ZNF880: variants seen among roughly 807,000 people sequenced by gnomAD.
ZNF880 encodes the protein zinc finger protein 880, also known as zinc finger protein LOC400713.
In ZNF880, 12 loss-of-function variants were observed where a neutral mutation model predicts 11.8. The observed-to-expected ratio is 1.02, with a 90% confidence interval of 0.65 to 1.65. The LOEUF (loss-of-function observed/expected upper bound fraction) is 1.65. ZNF880 is among the 40% of genes most tolerant of loss of function. The pLI is 0.00. For missense variants in ZNF880, 601 were observed against 673.9 expected, an observed-to-expected ratio of 0.89 and a Z score of 1.20; for synonymous variants, 210 against 232.4, an observed-to-expected ratio of 0.90 and a Z score of 0.88.
chr19:52,394,583 T>G, the ZNF880 span, among the ~76,000 whole-genome samples: 2 of 151,818 alleles, frequency 1.3e-5, no homozygotes, highest in Non-Finnish European at 2.9e-5. Context: ...TTTGCTACCT[T>G]TACATTTTTC....
chr19:52,372,554 C>G (rs1986408407), intron 1 of ZNF880, among the ~76,000 whole-genome samples: 1 of 148,524 alleles, frequency 6.7e-6, no homozygotes, highest in Non-Finnish European at 1.5e-5. Context: ...TCCCAAAGTG[C>G]TGGGATTACA....
chr19:52,370,102 C>G, intron 1 of ZNF880, 125 bp downstream of exon 1: 1 of 1,276,322 alleles, frequency 7.8e-7, no homozygotes, highest in Non-Finnish European at 1.1e-6. Context: ...CGACTAAACT[C>G]AGACGTTCTA....
downstream of ZNF880, among the ~76,000 whole-genome samples, chr19:52,388,371 C>T (rs981587263): frequency 2.9e-5 from 4 of 137,908 alleles, no homozygotes. Context: ...CAACCTCTGC[C>T]TCCCGGGTTC....
At chr19:52,370,507 A>G (rs1986334440) in intron 1 of ZNF880, 1 of 154,360 alleles carries the variant, frequency 6.5e-6, no homozygotes, top group Non-Finnish European at 1.4e-5. Flanking sequence ...CACCAACCTA[A>G]TATTTATGGG....
intron 1 of ZNF880, among the ~76,000 whole-genome samples, chr19:52,372,516 G>A (rs1378093435): frequency 2.7e-5 from 4 of 150,302 alleles, no homozygotes; most frequent in Admixed American, 6.6e-5. Context: ...TCTCGATCTC[G>A]TGACCTCATG....
At chr19:52,375,754 C>T (rs1351230002) in intron 3 of ZNF880, among the ~76,000 whole-genome samples, 1 of 151,990 alleles carries the variant, frequency 6.6e-6, no homozygotes, top group East Asian at 1.9e-4. Flanking sequence ...TTTGGTTTTC[C>T]CTCAGGCTTT....
chr19:52,372,583 C>T (rs1331006193), intron 1 of ZNF880, among the ~76,000 whole-genome samples: 2 of 150,360 alleles, frequency 1.3e-5, no homozygotes, highest in Admixed American at 6.6e-5. Context: ...CCACCGCGCC[C>T]GGCCTAGAAA....
rs1986326605 is a variant in ZNF880, at chr19:52,370,292, C to G, written c.12+315C>G. 3 of 394,828 alleles carry G rather than the reference C, an allele frequency of 7.6e-6. No homozygotes were observed. The Middle Eastern group carries it at 2.1e-3, about 281-fold the overall frequency. 24.5% of individuals were successfully genotyped at this position (394,828 alleles called of 1,614,324 possible). On this transcript the variant is annotated intron_variant, in intron 1 of 3. Coordinates refer to ENST00000422689, the MANE Select transcript of ZNF880 (RefSeq NM_001145434.2). ...TAAAGTTCTCACCCGCGAGATGGAT[C>G]CACGTCTTTCCGGTCCCCCAAGCCT...
chr19:52,390,409 T>C (rs1279567940), downstream of ZNF880: 2 of 358,772 alleles, frequency 5.6e-6, no homozygotes, highest in Non-Finnish European at 1.1e-5. Flanking sequence ...TCCTGCCTTT[T>C]TCCTCCTTGA....
At chr19:52,368,704 T>G (rs1986237500), upstream of ZNF880, among the ~76,000 whole-genome samples, 1 of 152,158 alleles carries the variant, frequency 6.6e-6, no homozygotes, top group Non-Finnish European at 1.5e-5. Context: ...TATGTATATA[T>G]ATTTTTACAT....
the ZNF880 span, among the ~76,000 whole-genome samples, chr19:52,393,891 C>G: frequency 7.9e-6 from 1 of 127,128 alleles, no homozygotes; most frequent in Non-Finnish European, 1.6e-5. Context: ...GGCTGGAGTG[C>G]AGTGGCGCGA....
In ZNF880 at chr19:52,373,181, A is replaced by G. The variant is rs766426332; in HGVS notation, c.83A>G (p.Gln28Arg). ...QEEWKCLDPA[Q>R]RTLYREVMVE... The stretch of plus-strand genomic sequence containing the variant: ...GAGTGGAAATGTCTGGACCCTGCTC[A>G]GAGGACTTTATACAGGGAAGTGATG... The change falls in exon 2 of 4, where the codon CAG becomes CGG. Residue 28 changes from glutamine to arginine, a missense_variant. By Grantham distance (43) the Gln-to-Arg change is conservative. Around this residue, in one of 3 missense-constraint regions of ZNF880, gnomAD observed 420 missense variants for 442.6 expected, o/e 0.95. Transcript: ENST00000422689. The G allele has an allele frequency of 6.2e-7, 1 of 1,613,458 alleles. No homozygotes were observed. Among genetic ancestry groups the G allele is most frequent in the Admixed American group, 1.7e-5 (1 of 59,958 alleles).
upstream of ZNF880, chr19:52,369,902 T>C (rs1216251867): frequency 6.4e-7 from 1 of 1,550,780 alleles, no homozygotes; most frequent in South Asian, 1.2e-5. Context: ...TGGCCTCGCC[T>C]CGCCTCTCAG....
intron 1 of ZNF880, among the ~76,000 whole-genome samples, chr19:52,372,802 C>T (rs1318458103): frequency 6.8e-6 from 1 of 146,818 alleles, no homozygotes. Flanking sequence ...CCCAGCTACT[C>T]GGGAGGCTGA....
downstream of ZNF880, chr19:52,388,778 CT>C (rs1481982241): frequency 6.6e-6 from 1 of 152,084 alleles, no homozygotes; most frequent in African/African-American, 2.4e-5. Flanking sequence ...GGTGAGCAGC[CT>C]GGGATGTTGT....
At chr19:52,371,382 T>TCTTTGTCACCCAGGCTGGAGTCTCG (rs1476687483) in intron 1 of ZNF880, among the ~76,000 whole-genome samples, 2 of 151,886 alleles carry the variant, frequency 1.3e-5, no homozygotes, top group Admixed American at 1.3e-4. Context: ...ATGGAGTCTC[T>TCTTTGTCACCCAGGCTGGAGTCTCG]CTTTGTCACC....
chr19:52,376,751 C>T (rs1010981003), intron 3 of ZNF880, among the ~76,000 whole-genome samples: 2 of 152,080 alleles, frequency 1.3e-5, no homozygotes, highest in African/African-American at 4.8e-5. Context: ...CTCAGGTGAT[C>T]CACCCGCCTT....
chr19:52,387,517 C>T (rs558256646), downstream of ZNF880, among the ~76,000 whole-genome samples: 20 of 138,150 alleles, frequency 1.4e-4, 3 homozygotes, highest in African/African-American at 4.6e-4. Context: ...GGCACAATCT[C>T]GGCTCACTGC....
Position 52,373,206 on chromosome 19 carries a change from GGT to G in ZNF880, c.110_111del (p.Val37GlyfsTer15). ...AGAGGACTTTATACAGGGAAGTGAT[GGT>G]GGAGAACTACAGGAACCTGGTCTTT... is the stretch of plus-strand genomic sequence containing the variant. ...AQRTLYREVM[V>X]ENYRNLVFLG... On this transcript the variant is annotated frameshift_variant, in exon 2 of 4. Transcript: ENST00000422689. LOFTEE classifies it high-confidence loss of function. 6.2e-7 allele frequency: 1 copy of G among 1,613,100 alleles called. No homozygotes were observed. Among genetic ancestry groups the G allele is most frequent in the Non-Finnish European group, 8.5e-7 (1 of 1,179,422 alleles).
Sources: allele counts gnomAD v4.1 joint callset (sites outside exome capture counted in the v4.1 genomes callset), GRCh38; gene constraint gnomAD v4.1.1; regional missense constraint gnomAD v4.1.1; transcripts MANE v1.5; gene names NCBI Gene and HGNC (gene_info 2026-07-23, HGNC 2026-07-21).